The following IDUA variants were observed in gnomAD, a reference collection of about 807,000 sequenced individuals.
IDUA encodes the protein iduronidase alpha-L-.
IDUA carries 65 observed loss-of-function variants against 68.9 expected under a neutral mutation model. The ratio of observed to expected loss-of-function variants is 0.94; its 90% CI spans 0.77 to 1.16. IDUA has a LOEUF of 1.16. Among genes scored for constraint, IDUA ranks in the 50% most tolerant of loss-of-function variants. The probability of loss-of-function intolerance (pLI) is 0.00; values close to 1 mark genes in which losing one functional copy is unlikely to be tolerated. For missense variants in IDUA, 1,046 were observed against 938.0 expected, an observed-to-expected ratio of 1.12 and a Z score of -1.50; for synonymous variants, 529 against 433.6, an observed-to-expected ratio of 1.22 and a Z score of -2.73.
At chr4:989,125 G>T (rs748668614) in intron 2 of IDUA, 1 of 1,606,768 alleles carries the variant, frequency 6.2e-7, no homozygotes, top group Non-Finnish European at 8.5e-7. Context: ...GCCGGCCGCT[G>T]CGGGCACCAG....
chr4:998,884 A>AC (rs1714901430), intron 2 of IDUA, among the ~76,000 whole-genome samples: 1 of 149,728 alleles, frequency 6.7e-6, no homozygotes, highest in African/African-American at 2.5e-5. Context: ...TCTCTGGGCA[A>AC]CCCCCATGGC....
chr4:988,509 C>T lies in IDUA; in HGVS notation c.299+560C>T, dbSNP rs73211816. Reference sequence around the variant, plus strand: ...TGGAGGCTGCATGATGGCGGGGGACCCTTGTTCAAATAAGATGTCAACCCT... The same window carrying T: ...TGGAGGCTGCATGATGGCGGGGGACTCTTGTTCAAATAAGATGTCAACCCT... On this transcript the variant is annotated intron_variant, in intron 2 of 13. Transcript: ENST00000514224. 11,419 of 1,165,840 alleles carry T rather than the reference C, an allele frequency of 9.8e-3. 72 individuals carry two copies. Among genetic ancestry groups the T allele is most frequent in the Admixed American group, 0.031 (716 of 23,070 alleles). 72.2% of individuals were successfully genotyped at this position (1,165,840 alleles called of 1,614,324 possible).
chr4:998,789 C>CG (rs1452427481), intron 2 of IDUA, among the ~76,000 whole-genome samples: 1 of 151,158 alleles, frequency 6.6e-6, no homozygotes, highest in Non-Finnish European at 1.5e-5. Flanking sequence ...CCCGACCCCC[C>CG]ACCTCACCCC....
rs753019413 is a variant in IDUA, at chr4:1,000,602, C to T, written c.300-10C>T. The T allele has an allele frequency of 6.2e-7, 1 of 1,609,128 alleles. No individual in the cohort carries two copies. The highest frequency in any genetic ancestry group is 1.7e-5 in the Admixed American group (1 of 60,026). ...CACCCTGCTTCCTGACGCTGACCGT[C>T]CTTCTGCAGGGGGTCCACTGGACGG... On this transcript the variant is annotated splice_polypyrimidine_tract_variant and intron_variant, in intron 2 of 13. Coordinates refer to ENST00000514224, the MANE Select transcript of IDUA (RefSeq NM_000203.5).
chr4:988,166 T>C, intron 2 of IDUA: 1 of 1,393,404 alleles, frequency 7.2e-7, no homozygotes, highest in Non-Finnish European at 9.3e-7. Context: ...CAGGTCTCCC[T>C]GCAGGCTCAG....
chr4:1,000,484 G>A lies in IDUA; in HGVS notation c.300-128G>A, dbSNP rs1228802299. The A allele has an allele frequency of 6.6e-6, 5 of 761,442 alleles. No individual in the cohort carries two copies. The Admixed American group carries it at 7.6e-5, about 12-fold the overall frequency. 47.2% of individuals were successfully genotyped at this position (761,442 alleles called of 1,614,324 possible). A position where few individuals can be genotyped will look rare whatever the true frequency, so the allele number is the denominator to read the frequency against. On this transcript the variant is annotated intron_variant, in intron 2 of 13. Coordinates refer to ENST00000514224, the MANE Select transcript of IDUA (RefSeq NM_000203.5). Reference sequence around the variant, plus strand: ...TTTTCCAAGGGGAAGGGCCCCTCGGGAAGCCGGGATCGGAGTCCTGTGTGG... The same window carrying A: ...TTTTCCAAGGGGAAGGGCCCCTCGGAAAGCCGGGATCGGAGTCCTGTGTGG...
At chr4:995,075 C>T (rs541647273) in intron 2 of IDUA, among the ~76,000 whole-genome samples, 16 of 148,796 alleles carry the variant, frequency 1.1e-4, no homozygotes, top group East Asian at 7.9e-4. Context: ...GATGGAGTCT[C>T]GCTCTGTTGC....
chr4:1,000,102 C>T lies in IDUA; in HGVS notation c.300-510C>T, dbSNP rs1173522496. On this transcript the variant is annotated intron_variant, in intron 2 of 13. Transcript: ENST00000514224. Reference sequence around the variant, plus strand: ...GCAGGGCGGCCCCCTTCACCCTTGACGACGCCTGTCCCCTCGGAATGCAGG... The same window carrying T: ...GCAGGGCGGCCCCCTTCACCCTTGATGACGCCTGTCCCCTCGGAATGCAGG... 3.1e-5 allele frequency: 5 copies of T among 162,570 alleles called. No homozygotes were observed. The South Asian group carries it at 3.8e-4, about 12-fold the overall frequency. The allele number at this position is 162,570 out of a possible 1,614,324, so 10.1% of individuals were successfully genotyped here.
chr4:1,002,710 A>C, intron 8 of IDUA, 22 bp from the exon 9 acceptor site: 5 of 1,393,494 alleles, frequency 3.6e-6, no homozygotes, highest in Middle Eastern at 2.5e-4. Flanking sequence ...CCACGCGGCG[A>C]CGGCCCCCCC....
rs1423609884 is a variant in IDUA at position 987,115 on chromosome 4, C to A, written c.31C>A (p.Leu11Met). ...TCCCCTGCGCCCCCGCGCCGCGCTG[C>A]TGGCGCTCCTGGCCTCGCTCCTGGC... The part of the protein sequence containing the change: MRPLRPRAAL[L>M]ALLASLLAAP... The change falls in exon 1 of 14, where the codon CTG (leucine) becomes ATG (methionine). Residue 11 changes from leucine to methionine, a missense_variant. Transcript: ENST00000514224. The A allele has an allele frequency of 3.5e-6, 5 of 1,444,566 alleles. No homozygotes were observed. Among genetic ancestry groups the A allele is most frequent in the Non-Finnish European group, 4.5e-6 (5 of 1,103,134 alleles). The allele number at this position is 1,444,566 out of a possible 1,614,324, so 89.5% of individuals were successfully genotyped here. A position where few individuals can be genotyped will look rare whatever the true frequency, so the allele number is the denominator to read the frequency against.
chr4:990,797 A>C (rs1054234494), intron 2 of IDUA: 1 of 395,804 alleles, frequency 2.5e-6, no homozygotes, highest in Non-Finnish European at 4.5e-6. Flanking sequence ...GCCATCCCCC[A>C]CTCCACCTAG....
At chr4:997,778 T>C (rs1308511498) in intron 2 of IDUA, among the ~76,000 whole-genome samples, 1 of 152,002 alleles carries the variant, frequency 6.6e-6, no homozygotes, top group Non-Finnish European at 1.5e-5. Context: ...GCCTGTGGAC[T>C]GACCCCGGGG....
At chr4:997,615 C>G (rs975961778) in intron 2 of IDUA, among the ~76,000 whole-genome samples, 1 of 152,120 alleles carries the variant, frequency 6.6e-6, no homozygotes, top group Non-Finnish European at 1.5e-5. Flanking sequence ...GACGCGCCCC[C>G]GCGGCTTCCG....
In IDUA at chr4:1,002,007, T is replaced by G. The variant is rs1420367984; in HGVS notation, c.818T>G (p.Leu273Arg). ...GGTGCGCGCAGCTCCATCTCCATCC[T>G]GGAGCAGGAGAAGGTCGTCGCGCAG... Reference protein sequence around the residue: ...RKGARSSISILEQEKVVAQQI... With the variant: ...RKGARSSISIREQEKVVAQQI... Residue 273 changes from leucine to arginine, a missense_variant, in exon 7 of 14, where the codon CTG (leucine) becomes CGG (arginine). Transcript: ENST00000514224. 1.3e-6 allele frequency: 2 copies of G among 1,593,962 alleles called. No homozygotes were observed. Among genetic ancestry groups the G allele is most frequent in the Non-Finnish European group, 8.5e-7 (1 of 1,172,156 alleles).
intron 8 of IDUA, 100 bp from the exon 9 acceptor site, chr4:1,002,632 C>T: frequency 8.5e-7 from 1 of 1,174,150 alleles, no homozygotes; most frequent in Middle Eastern, 2.9e-4. Context: ...GGGACTCCTT[C>T]ACCAAGGGGA....
chr4:990,893 A>G (rs1466371620), intron 2 of IDUA: 2 of 524,444 alleles, frequency 3.8e-6, no homozygotes, highest in East Asian at 6.2e-5. Context: ...CACCAAGGCC[A>G]TGGCCCACCG....
chr4:990,657 C>T (rs919334310), intron 2 of IDUA: 5 of 467,552 alleles, frequency 1.1e-5, no homozygotes, highest in African/African-American at 4.0e-5. Flanking sequence ...AGAATTAAGA[C>T]CTCTGGTATC....
Position 991,697 on chromosome 4 carries a change from C to T in IDUA, c.299+3748C>T, listed in dbSNP as rs373656718. On this transcript the variant is annotated intron_variant, in intron 2 of 13. Transcript: ENST00000514224. ...CCCTGCTGCAGAGGCTCAGGGGACT[C>T]GTCCATCCTGTTGCGTCAGGTCCCG... The T allele has an allele frequency of 1.6e-5, 25 of 1,534,906 alleles. No homozygotes were observed. In the African/African-American group the frequency reaches 2.6e-4, roughly 16 times the overall value.
chr4:1,002,425 C>T lies in IDUA; in HGVS notation c.1129C>T (p.Pro377Ser), dbSNP rs776982341. 6.4e-7 allele frequency: 1 copy of T among 1,574,174 alleles called. No homozygotes were observed. The highest frequency in any genetic ancestry group is 8.6e-7 in the Non-Finnish European group (1 of 1,162,056). The part of the protein sequence containing the change: ...ARFQVNNTRP[P>S]HVQLLRKPVL... ...CTTCCAGGTCAACAACACCCGCCCG[C>T]CGCACGTGCAGCTGTTGCGCAAGCC... The change falls in exon 8 of 14, where the codon CCG (proline) becomes TCG (serine). Residue 377 changes from proline to serine, a missense_variant. By Grantham distance (74) the Pro-to-Ser change is moderately conservative. Coordinates refer to ENST00000514224, the MANE Select transcript of IDUA (RefSeq NM_000203.5).
Sources: gnomAD v4.1 joint callset for allele counts (sites outside exome capture counted in the v4.1 genomes callset) on GRCh38, gnomAD v4.1.1 for gene constraint, MANE v1.5 for transcripts, NCBI Gene and HGNC (gene_info 2026-07-23, HGNC 2026-07-21) for gene names.